The following TXN2 variants were observed in gnomAD, a reference collection of about 807,000 sequenced individuals.
TXN2 encodes thioredoxin, mitochondrial.
TXN2 carries 12 observed loss-of-function variants against 14.6 expected under a neutral mutation model. That is an observed-to-expected ratio of 0.82 (90% CI 0.53 to 1.33). The LOEUF (loss-of-function observed/expected upper bound fraction) is 1.33. Among genes scored for constraint, TXN2 ranks in the 40% most tolerant of loss-of-function variants. TXN2 has a pLI of 0.00. For missense variants in TXN2, 173 were observed against 207.7 expected (o/e 0.83, Z 1.03); for synonymous variants, 89 against 81.0 (o/e 1.10, Z -0.53).
At chr22:36,476,418 C>T (rs908657983) in intron 3 of TXN2, among the ~76,000 whole-genome samples, 3 of 152,128 alleles carry the variant, frequency 2.0e-5, no homozygotes, top group African/African-American at 7.2e-5. Context: ...TGGTGATACC[C>T]TGTCTCTACT....
chr22:36,469,107 C>G lies in TXN2; in HGVS notation c.388-1190G>C, dbSNP rs572747636. ...AGCAGAGCTCAGGTTCTGGCGGACG[C>G]AATCCGGCTCCTACCAGCCAGGTGA... On this transcript the variant is annotated intron_variant, in intron 3 of 3. Coordinates refer to ENST00000216185, the MANE Select transcript of TXN2 (RefSeq NM_012473.4). 4.6e-5 allele frequency among the ~76,000 whole-genome samples: 7 copies of G among 152,300 alleles called. No individual in the cohort carries two copies. In the South Asian group the frequency reaches 1.4e-3, roughly 32 times the overall value.
Position 36,467,627 on chromosome 22 carries a change from CCT to C in TXN2, c.*175_*176del, listed in dbSNP as rs148887681. 0.029 allele frequency: 17,552 copies of C among 601,880 alleles called. 367 individuals carry two copies. The highest frequency in any genetic ancestry group is 0.04 in the Non-Finnish European group (13,574 of 336,042). 37.3% of individuals were successfully genotyped at this position (601,880 alleles called of 1,614,324 possible). On this transcript the variant is annotated 3_prime_UTR_variant, in exon 4 of 4. Transcript: ENST00000216185. ...CCCGGATCAGCAGCAGCACCACCAT[CCT>C]CTGATGGCCCCTGGGCAGTCCGCCA...
At chr22:36,480,988 G>C (rs1933490538) in intron 1 of TXN2, 151 bp from the exon 2 acceptor site, 1 of 881,860 alleles carries the variant, frequency 1.1e-6, no homozygotes, top group Non-Finnish European at 1.6e-6. Flanking sequence ...GTGGAAGTGA[G>C]GAAGCAATGA....
rs1933505338 is a variant in TXN2 at position 36,481,599 on chromosome 22, G to A, written c.-36C>T. On this transcript the variant is annotated 5_prime_UTR_variant, in exon 1 of 4. Transcript: ENST00000216185. The stretch of plus-strand genomic sequence containing the variant: ...TGCGAGCGGAGGGATGCACAGCCTA[G>A]CCCTCCCTGCCTGTCAAGGGCACGC... 4 of 998,616 alleles carry A rather than the reference G, an allele frequency of 4.0e-6. No homozygotes were observed. The highest frequency in any genetic ancestry group is 4.8e-6 in the Non-Finnish European group (4 of 829,708). The allele number at this position is 998,616 out of a possible 1,614,324, so 61.9% of individuals were successfully genotyped here. A position where few individuals can be genotyped will look rare whatever the true frequency, so the allele number is the denominator to read the frequency against.
rs141162526 is a variant in TXN2 at position 36,471,320 on chromosome 22, G to T, written c.388-3403C>A. 4.4e-3 allele frequency among the ~76,000 whole-genome samples: 677 copies of T among 152,284 alleles called. 4 individuals are homozygous for T. Among genetic ancestry groups the T allele is most frequent in the African/African-American group, 0.016 (646 of 41,556 alleles). ...CCCTCTGAACTCGGCAGGAGTGGGG[G>T]AGTGTGTACGTGTGCGCAGTCTCTT... is the stretch of plus-strand genomic sequence containing the variant. On this transcript the variant is annotated intron_variant, in intron 3 of 3. Coordinates refer to ENST00000216185, the MANE Select transcript of TXN2 (RefSeq NM_012473.4).
chr22:36,479,166 C>G (rs1450385938), intron 2 of TXN2, among the ~76,000 whole-genome samples: 2 of 152,020 alleles, frequency 1.3e-5, no homozygotes, highest in Non-Finnish European at 2.9e-5. Context: ...ACTCATAACA[C>G]TGAAAAACCC....
intron 3 of TXN2, chr22:36,468,720 CAA>C (rs34760321): frequency 1.7e-5 from 7 of 418,080 alleles, no homozygotes; most frequent in Admixed American, 8.2e-5. Context: ...GACCCTGCCT[CAA>C]AAAAAAAGAG....
chr22:36,468,130 C>T (rs1933199019), intron 3 of TXN2, among the ~76,000 whole-genome samples: 1 of 152,184 alleles, frequency 6.6e-6, no homozygotes, highest in South Asian at 2.1e-4. Flanking sequence ...CCATTGCGGG[C>T]TCCCAACAGT....
chr22:36,467,432 C>T lies in TXN2; in HGVS notation c.*372G>A, dbSNP rs999713792. ...TGGAAAGAGAAATGTAGGTGGCAGA[C>T]GAGCCAGGCACGAGGTTTCAGATTG... is the stretch of plus-strand genomic sequence containing the variant. On this transcript the variant is annotated 3_prime_UTR_variant, in exon 4 of 4. Transcript: ENST00000216185. 1.0e-4 allele frequency: 21 copies of T among 202,836 alleles called. No homozygotes were observed. The highest frequency in any genetic ancestry group is 3.7e-4 in the African/African-American group (16 of 43,366). The allele number at this position is 202,836 out of a possible 1,614,324, so 12.6% of individuals were successfully genotyped here. A position where few individuals can be genotyped will look rare whatever the true frequency, so the allele number is the denominator to read the frequency against.
In TXN2 at chr22:36,472,123, G is replaced by A. The variant is rs9622399; in HGVS notation, c.388-4206C>T. ...GGGAAGAACGTGGGGACGCATTAAA[G>A]GATTTCATGCTTCAAATGCAAAATG... On this transcript the variant is annotated intron_variant, in intron 3 of 3. Coordinates refer to ENST00000216185, the MANE Select transcript of TXN2 (RefSeq NM_012473.4). Among the ~76,000 whole-genome samples, 777 of 152,298 alleles carry A rather than the reference G, an allele frequency of 5.1e-3. 10 individuals carry two copies. The highest frequency in any genetic ancestry group is 0.017 in the African/African-American group (723 of 41,560).
At chr22:36,477,786 C>G (rs1014600261) in intron 2 of TXN2, among the ~76,000 whole-genome samples, 1 of 152,126 alleles carries the variant, frequency 6.6e-6, no homozygotes, top group Non-Finnish European at 1.5e-5. Flanking sequence ...GTTAAGAAAC[C>G]TGTGCAAGAT....
intron 2 of TXN2, among the ~76,000 whole-genome samples, chr22:36,479,285 C>A (rs1007776029): frequency 6.6e-6 from 1 of 151,868 alleles, no homozygotes; most frequent in Middle Eastern, 3.4e-3. Flanking sequence ...GGAAAGCCAG[C>A]GAAACAATCT....
intron 3 of TXN2, among the ~76,000 whole-genome samples, chr22:36,468,964 C>T (rs1419483623): frequency 1.3e-5 from 2 of 152,084 alleles, no homozygotes; most frequent in African/African-American, 2.4e-5. Flanking sequence ...ATTGCTTGAA[C>T]CTGGGAGGTG....
At chr22:36,473,268 C>A (rs569971457) in intron 3 of TXN2, among the ~76,000 whole-genome samples, 32 of 152,262 alleles carry the variant, frequency 2.1e-4, no homozygotes, top group African/African-American at 7.7e-4. Flanking sequence ...CATGGTAAAA[C>A]CTTGTCTCTA....
intron 1 of TXN2, 122 bp from the exon 2 acceptor site, chr22:36,480,959 CAT>C: frequency 9.1e-7 from 1 of 1,099,404 alleles, no homozygotes; most frequent in South Asian, 2.2e-5. Context: ...GCAAGGAAAT[CAT>C]ATGTAAGATT....
intron 3 of TXN2, among the ~76,000 whole-genome samples, chr22:36,470,902 A>G (rs1933259255): frequency 6.6e-6 from 1 of 152,162 alleles, no homozygotes; most frequent in Non-Finnish European, 1.5e-5. Flanking sequence ...TGTGCTGTCA[A>G]TGGAGGTCTG....
intron 1 of TXN2, 156 bp from the exon 2 acceptor site, chr22:36,480,993 C>A: frequency 1.3e-6 from 1 of 745,886 alleles, no homozygotes; most frequent in South Asian, 3.4e-5. Flanking sequence ...AGTGAGGAAG[C>A]AATGAGAATC....
intron 3 of TXN2, among the ~76,000 whole-genome samples, chr22:36,473,404 T>G (rs1190793662): frequency 6.6e-6 from 1 of 151,970 alleles, no homozygotes; most frequent in Admixed American, 6.6e-5. Context: ...GATCGTGCCA[T>G]TGCACTCCAG....
chr22:36,468,373 T>C (rs1429232936), intron 3 of TXN2, among the ~76,000 whole-genome samples: 1 of 152,198 alleles, frequency 6.6e-6, no homozygotes, highest in Non-Finnish European at 1.5e-5. Flanking sequence ...AGCCTCAGTG[T>C]CCTTTTCCAT....
Sources: allele counts gnomAD v4.1 joint callset (sites outside exome capture counted in the v4.1 genomes callset), GRCh38; gene constraint gnomAD v4.1.1; transcripts MANE v1.5; gene names NCBI Gene and HGNC (gene_info 2026-07-23, HGNC 2026-07-21).